The following LRP11 variants were observed in gnomAD, a reference collection of about 807,000 sequenced individuals.
The protein encoded by LRP11 is low-density lipoprotein receptor-related protein 11.
Under a neutral mutation model 43.1 loss-of-function variants are expected in LRP11, and 25 were observed. That is an observed-to-expected ratio of 0.58 (90% CI 0.42 to 0.81). LRP11 has a LOEUF of 0.81. LRP11 is among the 30% of genes least tolerant of loss of function. The pLI is 0.00. For synonymous variants in LRP11, 316 were observed against 299.4 expected (o/e 1.06, Z -0.57); for missense variants, 623 against 665.1 (o/e 0.94, Z 0.70).
At chr6:149,833,934 C>T (rs1456360406) in intron 5 of LRP11, among the ~76,000 whole-genome samples, 3 of 151,956 alleles carry the variant, frequency 2.0e-5, no homozygotes, top group African/African-American at 2.4e-5. Context: ...CACAGGTAAA[C>T]GTGTCATGGT....
chr6:149,840,530 A>G (rs1159641466), intron 3 of LRP11, among the ~76,000 whole-genome samples: 1 of 152,258 alleles, frequency 6.6e-6, no homozygotes, highest in South Asian at 2.1e-4. Context: ...GCCTGAGGAA[A>G]TAAACCAGGA....
At chr6:149,837,303 A>T (rs773397405) in intron 4 of LRP11, 35 bp downstream of exon 4, 4 of 1,604,058 alleles carry the variant, frequency 2.5e-6, no homozygotes, top group Non-Finnish European at 3.4e-6. Flanking sequence ...CATCCCTTCC[A>T]GCCACTGCCT....
chr6:149,838,614 G>A (rs1776503716), intron 3 of LRP11, among the ~76,000 whole-genome samples: 1 of 151,694 alleles, frequency 6.6e-6, no homozygotes, highest in South Asian at 2.1e-4. Flanking sequence ...GAGTCTGGGA[G>A]GCAGAGGTTG....
In LRP11 at chr6:149,837,481, T is replaced by C; in HGVS notation, c.914-18A>G. Reference sequence around the variant, plus strand: ...CAAACATCCTATTTGTAAACAAATCTCAAGTCACACGAGTGCAGAAGTTCA... The same window carrying C: ...CAAACATCCTATTTGTAAACAAATCCCAAGTCACACGAGTGCAGAAGTTCA... On this transcript the variant is annotated intron_variant, in intron 3 of 6. Coordinates refer to ENST00000239367, the MANE Select transcript of LRP11 (RefSeq NM_032832.6). 4 of 1,611,770 alleles carry C rather than the reference T, an allele frequency of 2.5e-6. No individual in the cohort carries two copies. Among genetic ancestry groups the C allele is most frequent in the Non-Finnish European group, 3.4e-6 (4 of 1,178,870 alleles).
In LRP11 at chr6:149,819,964, T is replaced by A. The variant is rs1427065350; in HGVS notation, c.*585A>T. 1 of 152,296 alleles carries A rather than the reference T, an allele frequency of 6.6e-6. No homozygotes were observed. The highest frequency in any genetic ancestry group is 2.4e-5 in the African/African-American group (1 of 41,398). 9.4% of individuals were successfully genotyped at this position (152,296 alleles called of 1,614,324 possible). A position where few individuals can be genotyped will look rare whatever the true frequency, so the allele number is the denominator to read the frequency against. On this transcript the variant is annotated 3_prime_UTR_variant, in exon 7 of 7. Transcript: ENST00000239367. ...CTATATGACATGACGTCAGAGGGAT[T>A]AGGAAGGACCCACACTCACCTTCCC...
intron 1 of LRP11, among the ~76,000 whole-genome samples, chr6:149,860,361 T>C (rs371807156): frequency 4.6e-5 from 7 of 152,290 alleles, no homozygotes; most frequent in African/African-American, 1.7e-4. Flanking sequence ...TTATATTCCC[T>C]GCTCTTCTGG....
At position 149,836,075 on chromosome 6, in the gene LRP11, G is replaced by T; in HGVS notation, c.1252+10C>A. On this transcript the variant is annotated intron_variant, in intron 5 of 6. Coordinates refer to ENST00000239367, the MANE Select transcript of LRP11 (RefSeq NM_032832.6). ...AGGTTCTTCATTGAGAACCCACCGT[G>T]AATCCTTACCTGGCATCACAGGAAT... 1 of 1,611,896 alleles carries T rather than the reference G, an allele frequency of 6.2e-7. No homozygotes were observed. The highest frequency in any genetic ancestry group is 1.1e-5 in the South Asian group (1 of 90,974).
chr6:149,833,778 A>T (rs780044616), intron 5 of LRP11, among the ~76,000 whole-genome samples: 5 of 152,224 alleles, frequency 3.3e-5, no homozygotes, highest in Admixed American at 1.3e-4. Flanking sequence ...CTGATTATCA[A>T]AAAGCAAAAG....
At chr6:149,828,501 T>A (rs1776370037) in intron 5 of LRP11, among the ~76,000 whole-genome samples, 1 of 151,646 alleles carries the variant, frequency 6.6e-6, no homozygotes, top group African/African-American at 2.4e-5. Flanking sequence ...TTTCTTTTTT[T>A]TTTTTGAGAC....
chr6:149,856,176 G>C (rs751026948), intron 1 of LRP11, among the ~76,000 whole-genome samples: 4 of 152,144 alleles, frequency 2.6e-5, no homozygotes, highest in Admixed American at 6.6e-5. Flanking sequence ...AACAGTAATG[G>C]ACACATAATT....
chr6:149,839,061 G>GT (rs869148170), intron 3 of LRP11, among the ~76,000 whole-genome samples: 7,460 of 136,868 alleles, frequency 0.055, 544 homozygotes, highest in African/African-American at 0.16. Context: ...GTTTTTTTTT[G>GT]TTTTTTTTTT....
At chr6:149,829,173 A>T (rs1419574180) in intron 5 of LRP11, among the ~76,000 whole-genome samples, 1 of 152,124 alleles carries the variant, frequency 6.6e-6, no homozygotes, top group Non-Finnish European at 1.5e-5. Flanking sequence ...TTGCAAAGGA[A>T]CTTCTATGCA....
In LRP11 at chr6:149,819,786, T is replaced by C. The variant is rs985341190; in HGVS notation, c.*763A>G. The C allele has an allele frequency of 6.6e-6, 1 of 152,262 alleles. No individual in the cohort carries two copies. The highest frequency in any genetic ancestry group is 1.5e-5 in the Non-Finnish European group (1 of 68,058). The allele number at this position is 152,262 out of a possible 1,614,324, so 9.4% of individuals were successfully genotyped here. A position where few individuals can be genotyped will look rare whatever the true frequency, so the allele number is the denominator to read the frequency against. On this transcript the variant is annotated 3_prime_UTR_variant, in exon 7 of 7. Coordinates refer to ENST00000239367, the MANE Select transcript of LRP11 (RefSeq NM_032832.6). ...GTATTAAACGTTCTCCTTGCTCTCT[T>C]TGCCTTCAACTAAGTTTCTGTTAGT...
intron 1 of LRP11, among the ~76,000 whole-genome samples, chr6:149,856,814 G>C (rs1776805802): frequency 6.6e-6 from 1 of 152,166 alleles, no homozygotes; most frequent in South Asian, 2.1e-4. Context: ...AAGACATTCT[G>C]TGCTGTGTGG....
chr6:149,822,729 T>C (rs982258891), intron 6 of LRP11, among the ~76,000 whole-genome samples: 2 of 152,214 alleles, frequency 1.3e-5, no homozygotes, highest in South Asian at 2.1e-4. Context: ...GATAGAATTA[T>C]AGATGAAGCA....
intron 2 of LRP11, 24 bp downstream of exon 2, chr6:149,852,979 G>A: frequency 6.4e-7 from 1 of 1,558,164 alleles, no homozygotes. Context: ...ACTCGTTTTT[G>A]TTAGCAGTGA....
intron 5 of LRP11, among the ~76,000 whole-genome samples, chr6:149,829,523 T>A (rs960016691): frequency 1.3e-5 from 2 of 151,774 alleles, no homozygotes; most frequent in African/African-American, 4.8e-5. Flanking sequence ...ACAGCGCCAC[T>A]GCATTCCAGC....
intron 3 of LRP11, among the ~76,000 whole-genome samples, chr6:149,842,183 T>C (rs2115391227): frequency 1.9e-5 from 1 of 51,938 alleles, no homozygotes; most frequent in South Asian, 5.8e-4. Context: ...AAGTGACTTA[T>C]TATATCAGCA....
intron 3 of LRP11, among the ~76,000 whole-genome samples, chr6:149,842,250 G>GT (rs903574950): frequency 3.3e-5 from 5 of 151,532 alleles, no homozygotes; most frequent in African/African-American, 1.2e-4. Flanking sequence ...CCTTTTCCTT[G>GT]TTTTTTTAAT....
Sources: allele counts gnomAD v4.1 joint callset (sites outside exome capture counted in the v4.1 genomes callset), GRCh38; gene constraint gnomAD v4.1.1; transcripts MANE v1.5; gene names NCBI Gene and HGNC (gene_info 2026-07-23, HGNC 2026-07-21).